The following PLEKHS1 variants were observed in gnomAD, a reference collection of about 807,000 sequenced individuals.
PLEKHS1 encodes the protein pleckstrin homology domain-containing family S member 1.
PLEKHS1 carries 55 observed loss-of-function variants against 51.0 expected under a neutral mutation model. The ratio of observed to expected loss-of-function variants is 1.08; its 90% CI spans 0.87 to 1.35. The LOEUF is 1.35. Ranked by LOEUF, PLEKHS1 falls within the 40% of genes most tolerant of loss-of-function variation. PLEKHS1 has a pLI of 0.00. For missense variants in PLEKHS1, 398 were observed against 423.0 expected (o/e 0.94, Z 0.52); for synonymous variants, 153 against 144.8 (o/e 1.06, Z -0.41).
At position 113,774,825 on chromosome 10, in the gene PLEKHS1, G is replaced by A. The variant is rs986197735; in HGVS notation, c.780-1G>A. ...GCTTGTTTTAACTTCTTATGCTCTA[G>A]TTTTTTCAAAGAGACATCCCATGAG... On this transcript the variant is annotated splice_acceptor_variant, in intron 9 of 11. Transcript: ENST00000361048. LOFTEE classifies it high-confidence loss of function. 5.0e-6 allele frequency: 8 copies of A among 1,613,078 alleles called. No homozygotes were observed. Among genetic ancestry groups the A allele is most frequent in the Non-Finnish European group, 5.9e-6 (7 of 1,179,306 alleles).
exon 12 of PLEKHS1, chr10:113,781,975 T>C (rs1475628183): frequency 6.6e-6 from 1 of 152,294 alleles, no homozygotes; most frequent in African/African-American, 2.4e-5. Flanking sequence ...CAAGATCAGC[T>C]TGCTCTACAA....
chr10:113,769,868 T>C (rs1198246528), exon 7 of PLEKHS1: 1 of 1,613,978 alleles, frequency 6.2e-7, no homozygotes, highest in Non-Finnish European at 8.5e-7. Context: ...GGCTGTTGGC[T>C]CCAGCTCACC....
chr10:113,768,744 A>G, intron 5 of PLEKHS1, 71 bp from the exon 6 acceptor site: 1 of 1,267,424 alleles, frequency 7.9e-7, no homozygotes, highest in Non-Finnish European at 1.1e-6. Flanking sequence ...ACATTCATAA[A>G]AGAATCCTTC....
intron 6 of PLEKHS1, among the ~76,000 whole-genome samples, chr10:113,769,488 T>G (rs1345412621): frequency 6.6e-6 from 1 of 151,854 alleles, no homozygotes; most frequent in Non-Finnish European, 1.5e-5. Context: ...TAGACTGAAG[T>G]GATTAGAGCA....
chr10:113,774,460 T>C, intron 9 of PLEKHS1, 127 bp downstream of exon 9: 1 of 628,052 alleles, frequency 1.6e-6, no homozygotes, highest in Non-Finnish European at 2.7e-6. Flanking sequence ...TTCCACATAT[T>C]ATTCAGTCGT....
chr10:113,780,884 G>C, exon 12 of PLEKHS1: 1 of 1,065,976 alleles, frequency 9.4e-7, no homozygotes, highest in Non-Finnish European at 1.3e-6. Context: ...ACCCCCCTCT[G>C]AATTTCTGCA....
intron 1 of PLEKHS1, among the ~76,000 whole-genome samples, chr10:113,754,865 T>C (rs566468960): frequency 6.6e-6 from 1 of 152,314 alleles, no homozygotes; most frequent in East Asian, 1.9e-4. Context: ...TCTCAGCCAG[T>C]GATGCTTTCT....
chr10:113,763,601 A>G (rs1269274883), intron 2 of PLEKHS1, among the ~76,000 whole-genome samples: 3 of 152,020 alleles, frequency 2.0e-5, no homozygotes, highest in Non-Finnish European at 4.4e-5. Context: ...ATTAGTCATT[A>G]CTTTCTGTTT....
intron 10 of PLEKHS1, 118 bp downstream of exon 10, chr10:113,775,153 C>A: frequency 1.1e-6 from 1 of 939,750 alleles, no homozygotes; most frequent in Non-Finnish European, 1.6e-6. Flanking sequence ...TCCAAGTCAG[C>A]CAAAAACTTG....
At chr10:113,761,360 G>C (rs1448442757) in intron 2 of PLEKHS1, among the ~76,000 whole-genome samples, 1 of 152,038 alleles carries the variant, frequency 6.6e-6, no homozygotes, top group East Asian at 1.9e-4. Context: ...TGAATTTATA[G>C]ATTGCTTTAG....
intron 11 of PLEKHS1, 178 bp downstream of exon 12, chr10:113,777,437 G>A (rs1421852314): frequency 6.2e-7 from 1 of 1,606,382 alleles, no homozygotes; most frequent in Admixed American, 1.7e-5. Flanking sequence ...TTCATATCAA[G>A]TAGCATTTGG....
At chr10:113,773,427 G>GATAAATAAATAAATAA (rs139521980) in intron 8 of PLEKHS1, among the ~76,000 whole-genome samples, 4 of 147,766 alleles carry the variant, frequency 2.7e-5, no homozygotes, top group African/African-American at 1.1e-4. Context: ...AAAGACCAAA[G>GATAAATAAATAAATAA]ATAAATAAAT....
rs201623391 is a variant in PLEKHS1, at chr10:113,775,903, G to A, written c.1091+37G>A. 8 of 1,463,462 alleles carry A rather than the reference G, an allele frequency of 5.5e-6. No homozygotes were observed. In the Admixed American group the frequency reaches 1.4e-4, roughly 26 times the overall value. The allele number at this position is 1,463,462 out of a possible 1,614,324, so 90.7% of individuals were successfully genotyped here. On this transcript the variant is annotated intron_variant, in intron 11 of 11. Transcript: ENST00000361048. Reference sequence around the variant, plus strand: ...ATTTGACTGTTGTGGATTATAAATGGGGCTGGAAGCTTTGAAGAGAACAAT... The same window carrying A: ...ATTTGACTGTTGTGGATTATAAATGAGGCTGGAAGCTTTGAAGAGAACAAT...
chr10:113,767,974 C>A (rs1844237872), intron 5 of PLEKHS1, among the ~76,000 whole-genome samples: 1 of 152,116 alleles, frequency 6.6e-6, no homozygotes, highest in Non-Finnish European at 1.5e-5. Context: ...CTCATCTTGA[C>A]CAATTACATC....
intron 1 of PLEKHS1, among the ~76,000 whole-genome samples, chr10:113,753,311 A>T (rs1385778461): frequency 2.0e-5 from 3 of 152,162 alleles, no homozygotes; most frequent in Admixed American, 6.5e-5. Context: ...AAATCCTTGA[A>T]ACTGGAAAGA....
intron 11 of PLEKHS1, among the ~76,000 whole-genome samples, chr10:113,778,878 G>A (rs912583014): frequency 2.0e-5 from 3 of 152,126 alleles, no homozygotes; most frequent in Non-Finnish European, 2.9e-5. Context: ...TGATCCGCCC[G>A]CCTCGGCCTC....
chr10:113,780,794 C>G, exon 12 of PLEKHS1: 2 of 1,539,076 alleles, frequency 1.3e-6, no homozygotes, highest in African/African-American at 2.7e-5. Context: ...CACCCCAGAC[C>G]CATGGCAGCA....
intron 2 of PLEKHS1, chr10:113,765,416 T>C (rs4631835): frequency 0.75 from 583,567 of 778,606 alleles, 221,155 homozygotes; most frequent in Non-Finnish European, 0.78. Flanking sequence ...TCTGAATCTC[T>C]GATGTATTTT....
chr10:113,778,030 GT>G, intron 11 of PLEKHS1: 1 of 250,382 alleles, frequency 4.0e-6, no homozygotes, highest in East Asian at 9.6e-5. Flanking sequence ...TATTATATGG[GT>G]ATGCACTAAG....
Sources: gnomAD v4.1 joint callset for allele counts (sites outside exome capture counted in the v4.1 genomes callset) on GRCh38, gnomAD v4.1.1 for gene constraint, MANE v1.5 for transcripts, NCBI Gene and HGNC (gene_info 2026-07-23, HGNC 2026-07-21) for gene names.